NKAIN3: variants seen among roughly 807,000 people sequenced by gnomAD.
NKAIN3 encodes sodium/potassium transporting ATPase interacting 3, also known as sodium/potassium-transporting ATPase subunit beta-1-interacting protein 3.
Under a neutral mutation model 30.2 loss-of-function variants are expected in NKAIN3, and 25 were observed. The ratio of observed to expected loss-of-function variants is 0.83; its 90% CI spans 0.60 to 1.16. The LOEUF is 1.16. Ranked by LOEUF, NKAIN3 falls within the 50% of genes most tolerant of loss-of-function variation. The probability of loss-of-function intolerance (pLI) is 0.00; values close to 1 mark genes in which losing one functional copy is unlikely to be tolerated. For synonymous variants in NKAIN3, 91 were observed against 89.6 expected (o/e 1.02, Z -0.09); for missense variants, 225 against 254.1 (o/e 0.89, Z 0.78).
At position 62,762,918 on chromosome 8, in the gene NKAIN3, T is replaced by C. The variant is rs543540531; in HGVS notation, c.471+15789T>C. Among the ~76,000 whole-genome samples, 218 of 152,064 alleles carry C rather than the reference T, an allele frequency of 1.4e-3. 1 individual carries two copies. The highest frequency in any genetic ancestry group is 2.6e-3 in the Non-Finnish European group (179 of 67,952). ...AATTCAATAATTAGAGAAATCTTTCTAGATCTATCAAACAACTTATATAGG... is the reference window on the plus strand; with the variant it reads ...AATTCAATAATTAGAGAAATCTTTCCAGATCTATCAAACAACTTATATAGG... On this transcript the variant is annotated intron_variant, in intron 4 of 6. Transcript: ENST00000623646.
At position 62,978,611 on chromosome 8, in the gene NKAIN3, G is replaced by T. The variant is rs1824001125; in HGVS notation, c.*13204G>T. The T allele has an allele frequency of 6.6e-6, 1 of 152,458 alleles. No individual in the cohort carries two copies. The highest frequency in any genetic ancestry group is 2.4e-5 in the African/African-American group (1 of 41,458). 9.4% of individuals were successfully genotyped at this position (152,458 alleles called of 1,614,324 possible). ...AGGTCTACTTCAGACTGCTGTGCTG[G>T]AAGTAAGAATTTCAATCCAGTGGAT... is the stretch of plus-strand genomic sequence containing the variant. On this transcript the variant is annotated 3_prime_UTR_variant, in exon 7 of 7. Coordinates refer to ENST00000623646, the MANE Select transcript of NKAIN3 (RefSeq NM_001304533.3).
At chr8:62,829,284 A>C (rs1819121748) in intron 4 of NKAIN3, among the ~76,000 whole-genome samples, 1 of 152,142 alleles carries the variant, frequency 6.6e-6, no homozygotes, top group Non-Finnish European at 1.5e-5. Context: ...GAATCTCTTG[A>C]ATTGGGGATC....
At chr8:62,451,102 T>C (rs1207897248) in intron 1 of NKAIN3, among the ~76,000 whole-genome samples, 5 of 152,200 alleles carry the variant, frequency 3.3e-5, no homozygotes, top group African/African-American at 1.2e-4. Context: ...TCACATTTCT[T>C]TGGAGAATAG....
intron 3 of NKAIN3, among the ~76,000 whole-genome samples, chr8:62,620,126 A>G (rs908979070): frequency 1.3e-5 from 2 of 152,172 alleles, no homozygotes; most frequent in Non-Finnish European, 2.9e-5. Flanking sequence ...GTGAAAAGTC[A>G]TAAAAGAATA....
chr8:62,312,803 T>C (rs929320756), intron 1 of NKAIN3, among the ~76,000 whole-genome samples: 1 of 144,782 alleles, frequency 6.9e-6, no homozygotes, highest in East Asian at 2.1e-4. Flanking sequence ...GAAGCCTGGG[T>C]GACAGAGTGA....
At chr8:62,704,947 T>C (rs1041509207) in intron 3 of NKAIN3, among the ~76,000 whole-genome samples, 2 of 152,156 alleles carry the variant, frequency 1.3e-5, no homozygotes, top group African/African-American at 4.8e-5. Flanking sequence ...TACTTATTTG[T>C]GTTTTCTTTA....
chr8:62,908,996 CTGA>C (rs1821859209), intron 4 of NKAIN3, among the ~76,000 whole-genome samples: 2 of 152,182 alleles, frequency 1.3e-5, no homozygotes, highest in African/African-American at 4.8e-5. Flanking sequence ...CCTCTCTTCT[CTGA>C]GTTCCCTGGA....
At chr8:62,645,352 CCTACCAGATA>C (rs2130311851) in intron 3 of NKAIN3, among the ~76,000 whole-genome samples, 1 of 152,194 alleles carries the variant, frequency 6.6e-6, no homozygotes, top group South Asian at 2.1e-4. Flanking sequence ...AGAGAAAAAT[CCTACCAGATA>C]CTATGTGAAT....
intron 4 of NKAIN3, among the ~76,000 whole-genome samples, chr8:62,761,979 G>C (rs948081623): frequency 1.3e-5 from 2 of 152,134 alleles, no homozygotes; most frequent in Admixed American, 6.6e-5. Context: ...AATCAAATTA[G>C]TTTAGTTAAT....
intron 3 of NKAIN3, among the ~76,000 whole-genome samples, chr8:62,731,970 C>T (rs1815482818): frequency 6.6e-6 from 1 of 151,450 alleles, no homozygotes; most frequent in Non-Finnish European, 1.5e-5. Flanking sequence ...TTTTTTTGCC[C>T]ATAGAATGCA....
intron 2 of NKAIN3, 122 bp from the exon 3 acceptor site, chr8:62,589,592 C>T (rs2306401): frequency 0.13 from 63,585 of 504,818 alleles, 5,036 homozygotes; most frequent in East Asian, 0.29. Flanking sequence ...CTTTTCTGAG[C>T]GCTCCGTCAG....
At position 62,966,033 on chromosome 8, in the gene NKAIN3, C is replaced by T; in HGVS notation, c.*626C>T. The T allele has an allele frequency of 1.0e-6, 1 of 982,206 alleles. No homozygotes were observed. Among genetic ancestry groups the T allele is most frequent in the Non-Finnish European group, 1.2e-6 (1 of 827,428 alleles). 60.8% of individuals were successfully genotyped at this position (982,206 alleles called of 1,614,324 possible). A position where few individuals can be genotyped will look rare whatever the true frequency, so the allele number is the denominator to read the frequency against. ...TCAGATTCGTGCATATCTTGTTTTTCCTGATATATATATATATGTAGGCAC... is the reference window on the plus strand; with the variant it reads ...TCAGATTCGTGCATATCTTGTTTTTTCTGATATATATATATATGTAGGCAC... On this transcript the variant is annotated 3_prime_UTR_variant, in exon 7 of 7. Coordinates refer to ENST00000623646, the MANE Select transcript of NKAIN3 (RefSeq NM_001304533.3).
intron 4 of NKAIN3, among the ~76,000 whole-genome samples, chr8:62,801,178 T>C (rs566108145): frequency 5.3e-4 from 81 of 152,308 alleles, no homozygotes; most frequent in African/African-American, 1.8e-3. Flanking sequence ...AGGCTCCACC[T>C]CTGGGGGCAG....
intron 1 of NKAIN3, among the ~76,000 whole-genome samples, chr8:62,285,646 C>T (rs910652108): frequency 2.6e-5 from 4 of 152,138 alleles, no homozygotes; most frequent in Admixed American, 6.6e-5. Context: ...ATTGGTCCCC[C>T]TGCCATCTGA....
At chr8:62,737,094 T>G (rs1815698651) in intron 3 of NKAIN3, among the ~76,000 whole-genome samples, 1 of 152,214 alleles carries the variant, frequency 6.6e-6, no homozygotes, top group African/African-American at 2.4e-5. Flanking sequence ...AAAGGGTCTG[T>G]GGATTCTCTT....
At chr8:62,352,754 T>C (rs1223226081) in intron 1 of NKAIN3, among the ~76,000 whole-genome samples, 2 of 152,180 alleles carry the variant, frequency 1.3e-5, no homozygotes, top group East Asian at 3.9e-4. Context: ...ATGTTATAAT[T>C]ACAGGTGAGC....
chr8:62,685,605 G>A (rs1272774915), intron 3 of NKAIN3, among the ~76,000 whole-genome samples: 2 of 152,132 alleles, frequency 1.3e-5, no homozygotes, highest in African/African-American at 4.8e-5. Context: ...TAGTCAAGTA[G>A]GGAATTTTAT....
At chr8:62,814,375 T>C (rs1818601455) in intron 4 of NKAIN3, among the ~76,000 whole-genome samples, 1 of 151,734 alleles carries the variant, frequency 6.6e-6, no homozygotes, top group Non-Finnish European at 1.5e-5. Context: ...TTTGGTTATT[T>C]CAGACCTAAT....
At chr8:62,939,186 T>C (rs1326998927) in intron 5 of NKAIN3, among the ~76,000 whole-genome samples, 1 of 152,024 alleles carries the variant, frequency 6.6e-6, no homozygotes, top group Non-Finnish European at 1.5e-5. Flanking sequence ...TTTGCATTAA[T>C]CCAATCTAAC....
Sources: allele counts gnomAD v4.1 joint callset (sites outside exome capture counted in the v4.1 genomes callset), GRCh38; gene constraint gnomAD v4.1.1; transcripts MANE v1.5; gene names NCBI Gene and HGNC (gene_info 2026-07-23, HGNC 2026-07-21).